Variants in PTPRT observed in about 807,000 individuals in gnomAD.
PTPRT encodes receptor-type tyrosine-protein phosphatase T.
In PTPRT, 56 loss-of-function variants were observed where a neutral mutation model predicts 176.8. The ratio of observed to expected loss-of-function variants is 0.32; its 90% CI spans 0.26 to 0.40. The LOEUF (loss-of-function observed/expected upper bound fraction) is 0.40. Among genes scored for constraint, PTPRT ranks in the 10% least tolerant of loss-of-function variants. The pLI is 1.00. For missense variants in PTPRT, 1,540 were observed against 1,908.2 expected (o/e 0.81, Z 3.60); for synonymous variants, 783 against 739.0 (o/e 1.06, Z -0.96).
intron 1 of PTPRT, among the ~76,000 whole-genome samples, chr20:42,890,930 T>G (rs185428503): frequency 3.5e-4 from 54 of 152,274 alleles, no homozygotes; most frequent in East Asian, 1.9e-4. Context: ...TCTCGCAAGA[T>G]CTGATGATTT....
chr20:43,068,504 CA>C (rs3092671), intron 1 of PTPRT, among the ~76,000 whole-genome samples: 10,164 of 56,536 alleles, frequency 0.18, 687 homozygotes, highest in African/African-American at 0.34. Flanking sequence ...GACTCTGTCT[CA>C]AAAAAAAAAA....
chr20:42,879,769 GTGTGCA>G (rs988083655), intron 2 of PTPRT, among the ~76,000 whole-genome samples: 5 of 152,198 alleles, frequency 3.3e-5, no homozygotes, highest in Admixed American at 6.5e-5. Context: ...GCGTGTGTGT[GTGTGCA>G]TGTGCATGTG....
the PTPRT span, among the ~76,000 whole-genome samples, chr20:42,062,113 A>T: frequency 6.6e-6 from 1 of 152,046 alleles, no homozygotes; most frequent in African/African-American, 2.4e-5. Flanking sequence ...AGCCCCCAGG[A>T]TTGTTCTTCC....
chr20:42,069,138 A>C (rs138600854), downstream of PTPRT, among the ~76,000 whole-genome samples: 1 of 152,208 alleles, frequency 6.6e-6, no homozygotes, highest in Non-Finnish European at 1.5e-5. Context: ...GAAACCCTAC[A>C]TCTGGCTTAG....
the PTPRT span, among the ~76,000 whole-genome samples, chr20:42,052,749 A>G: frequency 1.4e-4 from 21 of 152,028 alleles, no homozygotes; most frequent in East Asian, 4.1e-3. Context: ...TATATTTCCA[A>G]AGCAATCTCT....
intron 9 of PTPRT, among the ~76,000 whole-genome samples, chr20:42,407,829 C>T (rs1289807120): frequency 6.6e-6 from 1 of 151,960 alleles, no homozygotes; most frequent in South Asian, 2.1e-4. Flanking sequence ...TAGAATCTAT[C>T]TAAGTACATA....
At chr20:42,763,685 TC>T (rs1186406371) in intron 5 of PTPRT, among the ~76,000 whole-genome samples, 4 of 152,204 alleles carry the variant, frequency 2.6e-5, no homozygotes, top group Admixed American at 2.6e-4. Flanking sequence ...GCCCATTGAT[TC>T]TCTTAAGATC....
intron 9 of PTPRT, among the ~76,000 whole-genome samples, chr20:42,368,924 G>A (rs918808946): frequency 7.2e-5 from 11 of 152,142 alleles, no homozygotes; most frequent in Non-Finnish European, 1.5e-5. Flanking sequence ...ACTGCCTTGG[G>A]CTGCCTAGCC....
intron 1 of PTPRT, among the ~76,000 whole-genome samples, chr20:42,911,252 T>C (rs893986798): frequency 6.6e-6 from 1 of 152,122 alleles, no homozygotes; most frequent in African/African-American, 2.4e-5. Flanking sequence ...CAAAGACACA[T>C]ACAACCTCAT....
At chr20:42,098,023 A>G (rs913435380) in intron 27 of PTPRT, among the ~76,000 whole-genome samples, 3 of 152,194 alleles carry the variant, frequency 2.0e-5, no homozygotes, top group African/African-American at 7.2e-5. Context: ...GCTGCATTGC[A>G]GAGGGGGAAG....
the PTPRT span, among the ~76,000 whole-genome samples, chr20:42,055,907 G>A: frequency 6.6e-6 from 1 of 152,078 alleles, no homozygotes; most frequent in Non-Finnish European, 1.5e-5. Context: ...GATGGGGGTC[G>A]ACTCCTTTGT....
chr20:42,106,516 C>G (rs915352537), intron 24 of PTPRT, among the ~76,000 whole-genome samples: 9 of 152,148 alleles, frequency 5.9e-5, no homozygotes, highest in African/African-American at 2.2e-4. Context: ...GTCATTCTGT[C>G]CCTGCTTGGA....
intron 6 of PTPRT, among the ~76,000 whole-genome samples, chr20:42,706,465 A>G (rs1003637759): frequency 6.6e-6 from 1 of 152,066 alleles, no homozygotes; most frequent in Non-Finnish European, 1.5e-5. Flanking sequence ...CATTTGAGCA[A>G]GTTACTTGCT....
chr20:42,164,338 C>T (rs999957954), intron 16 of PTPRT, among the ~76,000 whole-genome samples: 1 of 151,378 alleles, frequency 6.6e-6, no homozygotes. Context: ...GGATATTTTC[C>T]CTAAACACAT....
intron 16 of PTPRT, among the ~76,000 whole-genome samples, chr20:42,178,572 C>T (rs1990388374): frequency 6.6e-6 from 1 of 152,288 alleles, no homozygotes; most frequent in African/African-American, 2.4e-5. Flanking sequence ...CAAACTACCC[C>T]CAACCACAGC....
At chr20:42,860,630 GC>G (rs2078644971) in intron 2 of PTPRT, among the ~76,000 whole-genome samples, 3 of 152,062 alleles carry the variant, frequency 2.0e-5, no homozygotes, top group African/African-American at 7.2e-5. Flanking sequence ...TATATTTGTT[GC>G]TTTTACAGAA....
chr20:42,460,655 A>G (rs951414635), intron 8 of PTPRT, among the ~76,000 whole-genome samples: 1 of 152,202 alleles, frequency 6.6e-6, no homozygotes, highest in African/African-American at 2.4e-5. Flanking sequence ...CATTTTCATG[A>G]TAGTGAGTGA....
intron 1 of PTPRT, among the ~76,000 whole-genome samples, chr20:42,953,862 G>T (rs1401577364): frequency 6.6e-6 from 1 of 152,164 alleles, no homozygotes; most frequent in Non-Finnish European, 1.5e-5. Context: ...GTGCTTAGCA[G>T]CATCTCTTTC....
intron 11 of PTPRT, among the ~76,000 whole-genome samples, chr20:42,338,032 A>G (rs2058064198): frequency 6.6e-6 from 1 of 152,140 alleles, no homozygotes; most frequent in East Asian, 1.9e-4. Flanking sequence ...TACCTTTTCC[A>G]TCTGCCTGGA....
Sources: gnomAD v4.1 joint callset for allele counts (sites outside exome capture counted in the v4.1 genomes callset) on GRCh38, gnomAD v4.1.1 for gene constraint, MANE v1.5 for transcripts, NCBI Gene and HGNC (gene_info 2026-07-23, HGNC 2026-07-21) for gene names.